The following PSD3 variants were observed in gnomAD, a reference collection of about 807,000 sequenced individuals.
PSD3 encodes the protein PH and SEC7 domain-containing protein 3.
A neutral mutation model predicts 105.5 loss-of-function variants in PSD3; 49 were observed. That is an observed-to-expected ratio of 0.46 (90% CI 0.37 to 0.59). PSD3 has a LOEUF of 0.59. PSD3 is among the 20% of genes least tolerant of loss of function. PSD3 has a pLI of 0.00. For missense variants in PSD3, 1,561 were observed against 1,263.8 expected, an observed-to-expected ratio of 1.24 and a Z score of -3.57; for synonymous variants, 557 against 457.8, an observed-to-expected ratio of 1.22 and a Z score of -2.77.
intron 9 of PSD3, among the ~76,000 whole-genome samples, chr8:18,726,626 G>T (rs1192629844): frequency 3.3e-5 from 5 of 152,106 alleles, no homozygotes; most frequent in Non-Finnish European, 5.9e-5. Flanking sequence ...TCTCATCTCA[G>T]AGTCTATTAG....
intron 9 of PSD3, among the ~76,000 whole-genome samples, chr8:18,665,588 C>A (rs1325178321): frequency 6.6e-6 from 1 of 152,202 alleles, no homozygotes; most frequent in African/African-American, 2.4e-5. Context: ...GTTCATAAAG[C>A]AGTAGCAGGG....
intron 9 of PSD3, among the ~76,000 whole-genome samples, chr8:18,739,395 C>A (rs1010012720): frequency 1.3e-5 from 2 of 152,122 alleles, no homozygotes; most frequent in Non-Finnish European, 2.9e-5. Context: ...AGAGGCCGGG[C>A]AAACCTGGAA....
intron 1 of PSD3, among the ~76,000 whole-genome samples, chr8:19,069,317 A>G (rs5026830): frequency 0.39 from 59,536 of 152,030 alleles, 12,389 homozygotes; most frequent in Non-Finnish European, 0.47. Context: ...AGTTTCCACA[A>G]GGGCTTAGCT....
At chr8:18,566,793 T>C (rs1801796379) in intron 14 of PSD3, among the ~76,000 whole-genome samples, 1 of 152,212 alleles carries the variant, frequency 6.6e-6, no homozygotes, top group African/African-American at 2.4e-5. Flanking sequence ...CATATGCATG[T>C]TTTTGCATCT....
chr8:18,832,069 CTTT>C (rs1285139632), intron 4 of PSD3, among the ~76,000 whole-genome samples: 1 of 152,152 alleles, frequency 6.6e-6, no homozygotes, highest in Non-Finnish European at 1.5e-5. Flanking sequence ...GCACCAAATA[CTTT>C]TATGTACATT....
chr8:18,982,038 CA>C (rs1825275242), intron 1 of PSD3, among the ~76,000 whole-genome samples: 1 of 152,140 alleles, frequency 6.6e-6, no homozygotes, highest in African/African-American at 2.4e-5. Context: ...GAGCTTCTTT[CA>C]AATCTGAAGT....
chr8:18,963,598 G>A (rs1373911434), intron 1 of PSD3, among the ~76,000 whole-genome samples: 1 of 152,174 alleles, frequency 6.6e-6, no homozygotes, highest in Non-Finnish European at 1.5e-5. Context: ...TAGAATCACT[G>A]ATTAGTTCCT....
intron 15 of PSD3, among the ~76,000 whole-genome samples, chr8:18,538,094 A>G (rs1271181922): frequency 2.0e-5 from 3 of 152,220 alleles, no homozygotes; most frequent in African/African-American, 7.2e-5. Context: ...GGAAAAATGG[A>G]AAGACGGAGA....
chr8:19,002,710 A>T (rs144210980), intron 1 of PSD3, among the ~76,000 whole-genome samples: 20 of 152,242 alleles, frequency 1.3e-4, no homozygotes, highest in Non-Finnish European at 1.3e-4. Context: ...GTTATACTAC[A>T]TGAATAAATA....
At chr8:18,812,774 G>T (rs1244707835) in intron 4 of PSD3, among the ~76,000 whole-genome samples, 1 of 152,308 alleles carries the variant, frequency 6.6e-6, no homozygotes, top group South Asian at 2.1e-4. Flanking sequence ...GGAAAGACAC[G>T]TGCCAGGGTG....
At chr8:18,678,543 G>A (rs1800196401) in intron 9 of PSD3, among the ~76,000 whole-genome samples, 1 of 152,256 alleles carries the variant, frequency 6.6e-6, no homozygotes, top group Admixed American at 6.5e-5. Flanking sequence ...TGGGCGTGGT[G>A]GCTCACGCCT....
intron 2 of PSD3, among the ~76,000 whole-genome samples, chr8:18,908,907 G>C (rs1489177806): frequency 6.6e-6 from 1 of 152,124 alleles, no homozygotes; most frequent in African/African-American, 2.4e-5. Context: ...ACAAATCTCA[G>C]TTCCCGACAA....
rs1356414950 is a variant in PSD3, at chr8:18,872,293, G to C, written c.571C>G (p.Gln191Glu). 1.9e-6 allele frequency: 3 copies of C among 1,614,110 alleles called. No individual in the cohort carries two copies. In the Admixed American group the frequency reaches 5.0e-5, roughly 27 times the overall value. ...AGAGGTATTTCTGGTAAATTTTTTT[G>C]GCCAGCAGGGAGCGTTTTGTTGACT... ...QRVNKTLPAG[Q>E]KNLPEIPLSA... Residue 191 changes from glutamine (Q) to glutamate (E), a missense_variant, in exon 3 of 16, where the codon CAA (glutamine) becomes GAA (glutamate). Transcript: ENST00000327040.
At chr8:18,692,184 C>G (rs531303310) in intron 9 of PSD3, among the ~76,000 whole-genome samples, 71 of 152,318 alleles carry the variant, frequency 4.7e-4, no homozygotes, top group Non-Finnish European at 9.1e-4. Flanking sequence ...CCCTCATTCA[C>G]TGTGCCAGGC....
At chr8:19,051,392 G>T (rs934508185) in intron 1 of PSD3, among the ~76,000 whole-genome samples, 1 of 151,916 alleles carries the variant, frequency 6.6e-6, no homozygotes, top group Admixed American at 6.6e-5. Context: ...ATACTTATTC[G>T]TGTTATCAAA....
At chr8:18,816,231 T>G (rs1812214230) in intron 4 of PSD3, among the ~76,000 whole-genome samples, 1 of 152,234 alleles carries the variant, frequency 6.6e-6, no homozygotes, top group Non-Finnish European at 1.5e-5. Context: ...TTTAATACAC[T>G]ATTTTAAGCA....
chr8:18,860,625 T>G (rs572731115), intron 4 of PSD3, among the ~76,000 whole-genome samples: 7 of 152,156 alleles, frequency 4.6e-5, no homozygotes, highest in Non-Finnish European at 8.8e-5. Flanking sequence ...TGTATTCCTG[T>G]GTAAAACACC....
chr8:18,616,116 G>A lies in PSD3; in HGVS notation c.2411-15682C>T, dbSNP rs796860927. Among the ~76,000 whole-genome samples the A allele has an allele frequency of 3.9e-5, 6 of 152,326 alleles. 1 individual carries two copies. Among genetic ancestry groups the A allele is most frequent in the African/African-American group, 1.4e-4 (6 of 41,574 alleles). ...GTGTTCCTGGCCCTCATTACAGGGC[G>A]AGGGCTCTGGCTTACCACTCACGCG... On this transcript the variant is annotated intron_variant, in intron 11 of 15. Coordinates refer to ENST00000327040, the MANE Select transcript of PSD3 (RefSeq NM_015310.4).
At chr8:18,935,456 G>C (rs117662381) in intron 2 of PSD3, among the ~76,000 whole-genome samples, 1,917 of 151,540 alleles carry the variant, frequency 0.013, 19 homozygotes, top group Non-Finnish European at 0.02. Flanking sequence ...CAGGAGGATG[G>C]CTTGAGGCCA....
Sources: gnomAD v4.1 joint callset for allele counts (sites outside exome capture counted in the v4.1 genomes callset) on GRCh38, gnomAD v4.1.1 for gene constraint, MANE v1.5 for transcripts, NCBI Gene and HGNC (gene_info 2026-07-23, HGNC 2026-07-21) for gene names.